PEAK1: variants seen among roughly 807,000 people sequenced by gnomAD.
PEAK1 encodes the protein inactive tyrosine-protein kinase PEAK1.
PEAK1 carries 54 observed loss-of-function variants against 124.7 expected under a neutral mutation model. That is an observed-to-expected ratio of 0.43 (90% CI 0.35 to 0.54). PEAK1 has a LOEUF of 0.54. Among genes scored for constraint, PEAK1 ranks in the 20% least tolerant of loss-of-function variants. The pLI, the probability that PEAK1 is intolerant of heterozygous loss-of-function variation, is 0.01. For synonymous variants in PEAK1, 719 were observed against 760.0 expected, an observed-to-expected ratio of 0.95 and a Z score of 0.89; for missense variants, 2,046 against 2,134.5, an observed-to-expected ratio of 0.96 and a Z score of 0.82.
chr15:77,182,409 A>G (rs949227801), intron 6 of PEAK1, among the ~76,000 whole-genome samples: 1 of 151,912 alleles, frequency 6.6e-6, no homozygotes, highest in Non-Finnish European at 1.5e-5. Flanking sequence ...CTACCCTTGA[A>G]TGTTTTAGAC....
chr15:77,392,730 T>C (rs2070577784), intron 1 of PEAK1, among the ~76,000 whole-genome samples: 1 of 152,190 alleles, frequency 6.6e-6, no homozygotes, highest in South Asian at 2.1e-4. Flanking sequence ...CGGAGTAAGA[T>C]GGTCAAATAG....
chr15:77,150,606 C>T (rs2054531010), intron 8 of PEAK1, among the ~76,000 whole-genome samples: 1 of 151,854 alleles, frequency 6.6e-6, no homozygotes, highest in Admixed American at 6.6e-5. Flanking sequence ...TGGTGTGCTG[C>T]ACCCATTAAC....
intron 2 of PEAK1, among the ~76,000 whole-genome samples, chr15:77,302,956 C>T (rs2063868585): frequency 6.6e-6 from 1 of 152,134 alleles, no homozygotes; most frequent in Non-Finnish European, 1.5e-5. Flanking sequence ...TCCCTGGCAA[C>T]CACTGATCTT....
At chr15:77,308,671 A>T (rs1014439597) in intron 2 of PEAK1, among the ~76,000 whole-genome samples, 17 of 152,054 alleles carry the variant, frequency 1.1e-4, no homozygotes, top group Non-Finnish European at 2.1e-4. Flanking sequence ...GAGGTTTACG[A>T]AGCAGTAAAT....
At position 77,178,806 on chromosome 15, in the gene PEAK1, G is replaced by A. The variant is rs1380165885; in HGVS notation, c.3121C>T (p.Pro1041Ser). 1 of 1,612,464 alleles carries A rather than the reference G, an allele frequency of 6.2e-7. No homozygotes were observed. Among genetic ancestry groups the A allele is most frequent in the Non-Finnish European group, 8.5e-7 (1 of 1,179,170 alleles). ...KRSHSSPSQIPKKILSHMTHE... is the reference protein window; with the variant it reads ...KRSHSSPSQISKKILSHMTHE... ...TTTACATACCTGAGAATCTTTTTAG[G>A]AATCTGTGATGGAGAAGAATGACTC... is the stretch of plus-strand genomic sequence containing the variant. The change falls in exon 7 of 10, where the codon CCT (proline) becomes TCT (serine). Residue 1041 changes from proline (P) to serine (S), a missense_variant. By Grantham distance (74) the Pro-to-Ser change is moderately conservative. Transcript: ENST00000682557.
At chr15:77,332,158 C>T (rs2065927277) in intron 2 of PEAK1, 1 of 946,384 alleles carries the variant, frequency 1.1e-6, no homozygotes, top group Non-Finnish European at 1.3e-6. Context: ...AAATAAGTTG[C>T]TTTAGAGAAT....
At chr15:77,419,232 CA>C (rs960339089) in intron 1 of PEAK1, 63 of 985,300 alleles carry the variant, frequency 6.4e-5, no homozygotes, top group Middle Eastern at 5.2e-4. Flanking sequence ...CCGGTGCTCT[CA>C]GCAATCTTTA....
chr15:77,246,188 T>A (rs894054556), intron 6 of PEAK1, among the ~76,000 whole-genome samples: 1 of 152,110 alleles, frequency 6.6e-6, no homozygotes, highest in Admixed American at 6.5e-5. Flanking sequence ...TTTGTATTTT[T>A]AGTAGAGACA....
upstream of PEAK1, chr15:77,420,404 G>A (rs1230747505): frequency 2.0e-5 from 3 of 152,782 alleles, no homozygotes; most frequent in Non-Finnish European, 4.4e-5. Context: ...TGCGGAGGGC[G>A]GGGCTAAGAC....
At position 77,149,715 on chromosome 15, in the gene PEAK1, A is replaced by T. The variant is rs145636991; in HGVS notation, c.3331+8788T>A. Among the ~76,000 whole-genome samples the T allele has an allele frequency of 5.1e-4, 78 of 152,188 alleles. 1 individual carries two copies. In the East Asian group the frequency reaches 9.8e-3, roughly 19 times the overall value. ...ACAGAGTCAAGTATATAGACACTTGAGCACTTAAGGAAAACTGGACAATAT... is the reference window on the plus strand; with the variant it reads ...ACAGAGTCAAGTATATAGACACTTGTGCACTTAAGGAAAACTGGACAATAT... On this transcript the variant is annotated intron_variant, in intron 8 of 9. Coordinates refer to ENST00000682557, the MANE Select transcript of PEAK1 (RefSeq NM_001385026.1).
intron 6 of PEAK1, among the ~76,000 whole-genome samples, chr15:77,250,154 TAC>T (rs2060780892): frequency 7.0e-6 from 1 of 141,944 alleles, no homozygotes. Context: ...GATATATATA[TAC>T]ATATATATAC....
At chr15:77,263,033 T>C (rs1221788254) in intron 5 of PEAK1, among the ~76,000 whole-genome samples, 7 of 152,104 alleles carry the variant, frequency 4.6e-5, no homozygotes, top group African/African-American at 9.7e-5. Context: ...AAGGCAGAAA[T>C]AAAGATGTTC....
At chr15:77,140,390 C>T (rs2053679077) in intron 8 of PEAK1, among the ~76,000 whole-genome samples, 1 of 152,120 alleles carries the variant, frequency 6.6e-6, no homozygotes, top group Admixed American at 6.6e-5. Context: ...GGATTATACA[C>T]CACAACAAGG....
rs1293792321 is a variant in PEAK1 at position 77,179,380 on chromosome 15, C to T, written c.2547G>A (p.Lys849=). ...ATTTGGAGGGAGAGGGGGTGACTGG[C>T]TTTATGGATGGGTCTTTCTGTACTT... ...TTKVQKDPSI[K]PVTPSPSKLV... The change falls in exon 7 of 10, where the codon AAG becomes AAA. Residue 849 remains lysine (K), a synonymous_variant. Coordinates refer to ENST00000682557, the MANE Select transcript of PEAK1 (RefSeq NM_001385026.1). The T allele has an allele frequency of 6.2e-7, 1 of 1,613,856 alleles. No homozygotes were observed. Among genetic ancestry groups the T allele is most frequent in the African/African-American group, 1.3e-5 (1 of 74,830 alleles).
chr15:77,336,089 A>G, intron 2 of PEAK1: 1 of 985,432 alleles, frequency 1.0e-6, no homozygotes, highest in Non-Finnish European at 1.2e-6. Flanking sequence ...GCTATGAAAG[A>G]CTAAACAGTG....
At chr15:77,200,883 T>C (rs1230112381) in intron 6 of PEAK1, among the ~76,000 whole-genome samples, 2 of 152,088 alleles carry the variant, frequency 1.3e-5, no homozygotes, top group Non-Finnish European at 2.9e-5. Context: ...TTCTTCTTTC[T>C]TTCTATATTT....
chr15:77,127,805 C>A (rs916244505), intron 9 of PEAK1, among the ~76,000 whole-genome samples: 6 of 152,144 alleles, frequency 3.9e-5, no homozygotes, highest in Admixed American at 1.3e-4. Flanking sequence ...TGAGGCCAGG[C>A]GTTGTGGCTC....
At chr15:77,402,847 G>C (rs556967923) in intron 1 of PEAK1, 1 of 985,208 alleles carries the variant, frequency 1.0e-6, no homozygotes, top group Admixed American at 6.1e-5. Flanking sequence ...ATGCCCTAAC[G>C]AATGGGAAAT....
intron 2 of PEAK1, among the ~76,000 whole-genome samples, chr15:77,286,920 A>C (rs2062959331): frequency 6.6e-6 from 1 of 152,176 alleles, no homozygotes. Context: ...GAGTTATATA[A>C]AACTTTGATA....
Sources: gnomAD v4.1 joint callset for allele counts (sites outside exome capture counted in the v4.1 genomes callset) on GRCh38, gnomAD v4.1.1 for gene constraint, MANE v1.5 for transcripts, NCBI Gene and HGNC (gene_info 2026-07-23, HGNC 2026-07-21) for gene names.